Variants in CNTNAP2 observed in about 807,000 individuals in gnomAD.
The protein encoded by CNTNAP2 is contactin-associated protein-like 2.
A neutral mutation model predicts 155.2 loss-of-function variants in CNTNAP2; 98 were observed. That is an observed-to-expected ratio of 0.63 (90% CI 0.54 to 0.75). The LOEUF (loss-of-function observed/expected upper bound fraction) is 0.75, where lower values mean the gene tolerates loss of function less well. Among genes scored for constraint, CNTNAP2 ranks in the 30% least tolerant of loss-of-function variants. The pLI is 0.00. For missense variants in CNTNAP2, 1,727 were observed against 1,688.1 expected (o/e 1.02, Z -0.40); for synonymous variants, 651 against 631.2 (o/e 1.03, Z -0.47).
At chr7:146,813,004 G>A (rs923026718) in intron 2 of CNTNAP2, among the ~76,000 whole-genome samples, 1 of 152,202 alleles carries the variant, frequency 6.6e-6, no homozygotes, top group Non-Finnish European at 1.5e-5. Context: ...GGCAAGAACT[G>A]AGGTTTGAGA....
intron 10 of CNTNAP2, among the ~76,000 whole-genome samples, chr7:147,447,471 G>A (rs748426672): frequency 7.2e-5 from 11 of 151,996 alleles, no homozygotes; most frequent in African/African-American, 2.2e-4. Context: ...GCTGGAGTGC[G>A]GTGGCACAAT....
At chr7:146,555,133 C>T (rs923977165) in intron 1 of CNTNAP2, among the ~76,000 whole-genome samples, 1 of 152,052 alleles carries the variant, frequency 6.6e-6, no homozygotes, top group African/African-American at 2.4e-5. Context: ...ATGGCACAGA[C>T]CTCTCCATTC....
intron 21 of CNTNAP2, among the ~76,000 whole-genome samples, chr7:148,311,962 G>A (rs573350092): frequency 1.3e-5 from 2 of 152,158 alleles, no homozygotes; most frequent in Non-Finnish European, 2.9e-5. Context: ...TGGTAATTGT[G>A]GGAGATTCAA....
intron 11 of CNTNAP2, among the ~76,000 whole-genome samples, chr7:147,540,481 A>G (rs1377430776): frequency 6.6e-6 from 1 of 152,208 alleles, no homozygotes; most frequent in Non-Finnish European, 1.5e-5. Flanking sequence ...AGATATAAAG[A>G]GTAAGTTATA....
intron 1 of CNTNAP2, among the ~76,000 whole-genome samples, chr7:146,668,834 G>T (rs1234877901): frequency 6.6e-6 from 1 of 151,910 alleles, no homozygotes; most frequent in Non-Finnish European, 1.5e-5. Context: ...GTATTATGTG[G>T]TATTTGTTAT....
At chr7:147,470,499 G>A (rs1223350864) in intron 10 of CNTNAP2, among the ~76,000 whole-genome samples, 1 of 151,328 alleles carries the variant, frequency 6.6e-6, no homozygotes, top group Non-Finnish European at 1.5e-5. Flanking sequence ...TTGGATTAGG[G>A]TAATAGCAGT....
chr7:148,084,411 G>A (rs1803676768), intron 15 of CNTNAP2, among the ~76,000 whole-genome samples: 1 of 152,174 alleles, frequency 6.6e-6, no homozygotes, highest in Non-Finnish European at 1.5e-5. Context: ...CCGGGACTGT[G>A]CAGAATGTCA....
chr7:146,415,550 A>T (rs1212810318), intron 1 of CNTNAP2, among the ~76,000 whole-genome samples: 1 of 152,168 alleles, frequency 6.6e-6, no homozygotes, highest in Non-Finnish European at 1.5e-5. Flanking sequence ...TGAAAATTTT[A>T]ACTGTTAGCA....
chr7:147,492,525 T>C (rs1231177152), intron 11 of CNTNAP2, among the ~76,000 whole-genome samples: 1 of 152,242 alleles, frequency 6.6e-6, no homozygotes, highest in Non-Finnish European at 1.5e-5. Context: ...ATTTATCATG[T>C]AATATTATAT....
intron 11 of CNTNAP2, among the ~76,000 whole-genome samples, chr7:147,527,562 T>C (rs1799350622): frequency 6.6e-6 from 1 of 152,208 alleles, no homozygotes; most frequent in Admixed American, 6.5e-5. Flanking sequence ...TTTTAAAATG[T>C]ATTCTGAAAC....
chr7:146,721,608 CTA>C (rs1179065302), intron 1 of CNTNAP2, among the ~76,000 whole-genome samples: 1,059 of 85,492 alleles, frequency 0.012, 90 homozygotes, highest in African/African-American at 0.096. Flanking sequence ...TATATACATT[CTA>C]TATATATATT....
At chr7:148,032,916 C>G (rs777408317) in intron 15 of CNTNAP2, among the ~76,000 whole-genome samples, 2 of 152,116 alleles carry the variant, frequency 1.3e-5, no homozygotes, top group Non-Finnish European at 2.9e-5. Context: ...TATATCATAT[C>G]ATTTTGTTGT....
chr7:147,478,254 G>A (rs1262922091), intron 10 of CNTNAP2, among the ~76,000 whole-genome samples: 2 of 151,980 alleles, frequency 1.3e-5, no homozygotes, highest in Non-Finnish European at 2.9e-5. Flanking sequence ...CCGGGTTCAA[G>A]TGATTCTCCT....
intron 15 of CNTNAP2, among the ~76,000 whole-genome samples, chr7:148,081,619 T>A (rs1184391164): frequency 6.6e-6 from 1 of 151,914 alleles, no homozygotes; most frequent in Non-Finnish European, 1.5e-5. Context: ...TGTAATCATG[T>A]GAGTTAATAT....
chr7:147,803,925 G>A (rs777855402), intron 13 of CNTNAP2, among the ~76,000 whole-genome samples: 75 of 152,238 alleles, frequency 4.9e-4, no homozygotes, highest in East Asian at 9.7e-4. Flanking sequence ...TCTTTGACTC[G>A]TTTACATGTC....
At chr7:146,643,737 T>C (rs1428309550) in intron 1 of CNTNAP2, among the ~76,000 whole-genome samples, 2 of 152,182 alleles carry the variant, frequency 1.3e-5, no homozygotes, top group Non-Finnish European at 2.9e-5. Flanking sequence ...ATTGAATCTA[T>C]AAATTACCTT....
chr7:146,998,231 C>A (rs572087220), intron 3 of CNTNAP2, among the ~76,000 whole-genome samples: 2 of 151,902 alleles, frequency 1.3e-5, no homozygotes, highest in Non-Finnish European at 2.9e-5. Flanking sequence ...GTTGTGTTCC[C>A]ATTTATATTT....
chr7:146,910,337 G>T lies in CNTNAP2; in HGVS notation c.402+70433G>T, dbSNP rs1027294125. The stretch of plus-strand genomic sequence containing the variant: ...TTCATATGGTACCAAAAAAGAGCCC[G>T]CATCGCCAAGTCAATCCTAAGCCAA... On this transcript the variant is annotated intron_variant, in intron 3 of 23. Transcript: ENST00000361727. Among the ~76,000 whole-genome samples the T allele has an allele frequency of 2.7e-4, 40 of 150,080 alleles. 2 individuals carry two copies. Among genetic ancestry groups the T allele is most frequent in the African/African-American group, 8.1e-4 (32 of 39,658 alleles).
chr7:146,480,556 C>T (rs566171514), intron 1 of CNTNAP2, among the ~76,000 whole-genome samples: 1 of 151,654 alleles, frequency 6.6e-6, no homozygotes, highest in Non-Finnish European at 1.5e-5. Flanking sequence ...AGTTATTCTT[C>T]GTCCCAGGTT....
Sources: allele counts gnomAD v4.1 joint callset (sites outside exome capture counted in the v4.1 genomes callset), GRCh38; gene constraint gnomAD v4.1.1; transcripts MANE v1.5; gene names NCBI Gene and HGNC (gene_info 2026-07-23, HGNC 2026-07-21).